The following GTF2F2 variants were observed in gnomAD, a reference collection of about 807,000 sequenced individuals.
GTF2F2 encodes general transcription factor IIF subunit 2.
Under a neutral mutation model 42.2 loss-of-function variants are expected in GTF2F2, and 23 were observed. The observed-to-expected ratio is 0.55, with a 90% CI of 0.39 to 0.77. GTF2F2 has a LOEUF of 0.77. Among genes scored for constraint, GTF2F2 ranks in the 30% least tolerant of loss-of-function variants. The probability of loss-of-function intolerance (pLI) is 0.00; values close to 1 mark genes in which losing one functional copy is unlikely to be tolerated. For missense variants in GTF2F2, 261 were observed against 287.2 expected (o/e 0.91, Z 0.66); for synonymous variants, 105 against 100.8 (o/e 1.04, Z -0.25).
intron 6 of GTF2F2, among the ~76,000 whole-genome samples, chr13:45,259,739 G>T (rs1459249373): frequency 7.7e-6 from 1 of 130,702 alleles, no homozygotes; most frequent in East Asian, 2.4e-4. Context: ...CTCACTGCAA[G>T]CTCCGCCTCC....
chr13:45,126,598 G>A (rs1182781005), intron 1 of GTF2F2, among the ~76,000 whole-genome samples: 2 of 152,200 alleles, frequency 1.3e-5, no homozygotes, highest in African/African-American at 4.8e-5. Context: ...TGGGTGGGCA[G>A]ATTGATTCAT....
At chr13:45,132,434 T>G (rs952123180) in intron 1 of GTF2F2, among the ~76,000 whole-genome samples, 3 of 85,310 alleles carry the variant, frequency 3.5e-5, no homozygotes, top group African/African-American at 1.1e-4. Flanking sequence ...GTCATTAGTG[T>G]TTTTTTTTTT....
chr13:45,239,875 C>G (rs1471523508), intron 5 of GTF2F2, among the ~76,000 whole-genome samples: 1 of 152,068 alleles, frequency 6.6e-6, no homozygotes, highest in Non-Finnish European at 1.5e-5. Context: ...GAACACAAAA[C>G]AAGGAATCTT....
chr13:45,269,949 A>G (rs946217468), intron 7 of GTF2F2, among the ~76,000 whole-genome samples: 2 of 152,138 alleles, frequency 1.3e-5, no homozygotes, highest in African/African-American at 4.8e-5. Flanking sequence ...CTCCTGCCTC[A>G]GCCTCCTGAG....
chr13:45,241,344 C>G (rs1875294470), intron 5 of GTF2F2, among the ~76,000 whole-genome samples: 1 of 152,022 alleles, frequency 6.6e-6, no homozygotes, highest in Non-Finnish European at 1.5e-5. Context: ...CACTCTAGCC[C>G]CAGCTTCTCT....
At chr13:45,221,379 C>T (rs1874106997) in intron 5 of GTF2F2, among the ~76,000 whole-genome samples, 1 of 152,122 alleles carries the variant, frequency 6.6e-6, no homozygotes, top group Non-Finnish European at 1.5e-5. Context: ...ATATAATCTG[C>T]AGGACCTAGT....
chr13:45,248,199 T>C (rs1309320917), intron 5 of GTF2F2, among the ~76,000 whole-genome samples: 2 of 152,130 alleles, frequency 1.3e-5, no homozygotes, highest in African/African-American at 4.8e-5. Context: ...AGTTCAAGCT[T>C]GACTAAATTT....
chr13:45,261,444 A>ACT (rs397967609), intron 6 of GTF2F2, among the ~76,000 whole-genome samples: 1 of 105,996 alleles, frequency 9.4e-6, no homozygotes, highest in Non-Finnish European at 2.4e-5. Flanking sequence ...AAAAAAAAAA[A>ACT]GAATAATTTG....
At chr13:45,233,567 G>A (rs1421025384) in intron 5 of GTF2F2, among the ~76,000 whole-genome samples, 1 of 152,306 alleles carries the variant, frequency 6.6e-6, no homozygotes, top group East Asian at 1.9e-4. Flanking sequence ...TAGCAACACT[G>A]TGAATGAACT....
Position 45,151,826 on chromosome 13 carries a change from C to A in GTF2F2, c.299C>A (p.Ser100Ter). The A allele has an allele frequency of 6.9e-7, 1 of 1,456,278 alleles. No individual in the cohort carries two copies. The highest frequency in any genetic ancestry group is 1.4e-5 in the South Asian group (1 of 73,754). 90.2% of individuals were successfully genotyped at this position (1,456,278 alleles called of 1,614,324 possible). The change falls in exon 4 of 8, where the codon TCA becomes TAA. Residue 100 changes from serine (S) to a stop codon, truncating the protein, a stop_gained. Coordinates refer to ENST00000340473, the MANE Select transcript of GTF2F2 (RefSeq NM_004128.3). LOFTEE classifies it high-confidence loss of function. The stretch of plus-strand genomic sequence containing the variant: ...ACATTAACAGTATTTACTGAGAGCT[C>A]ATCAGGTAAGTGGGAATGGAATTAT... ...GQTLTVFTES[S>*]SDKLSLEGIV...
intron 5 of GTF2F2, among the ~76,000 whole-genome samples, chr13:45,227,253 A>C (rs1444914589): frequency 6.6e-6 from 1 of 152,224 alleles, no homozygotes; most frequent in African/African-American, 2.4e-5. Context: ...TTAGCATATG[A>C]AATTTAGAAG....
intron 4 of GTF2F2, among the ~76,000 whole-genome samples, chr13:45,162,881 A>G (rs1054657496): frequency 6.6e-6 from 1 of 152,030 alleles, no homozygotes; most frequent in African/African-American, 2.4e-5. Context: ...GACATTTGCC[A>G]TATTTCTTTA....
intron 4 of GTF2F2, among the ~76,000 whole-genome samples, chr13:45,170,124 A>G (rs1201805791): frequency 1.3e-5 from 2 of 152,170 alleles, no homozygotes; most frequent in Non-Finnish European, 2.9e-5. Context: ...TCTGGGCTCA[A>G]GCGATCTTCC....
At chr13:45,189,896 G>A (rs986686021) in intron 4 of GTF2F2, among the ~76,000 whole-genome samples, 6 of 151,876 alleles carry the variant, frequency 4.0e-5, no homozygotes, top group African/African-American at 1.5e-4. Context: ...ATTCAGGATG[G>A]TATTGCAAAT....
At chr13:45,218,460 C>A (rs1222031921) in intron 5 of GTF2F2, among the ~76,000 whole-genome samples, 1 of 152,210 alleles carries the variant, frequency 6.6e-6, no homozygotes, top group African/African-American at 2.4e-5. Context: ...TAATTGCCAT[C>A]TCTCATGTGA....
chr13:45,240,113 T>A (rs1446416741), intron 5 of GTF2F2, among the ~76,000 whole-genome samples: 1 of 147,800 alleles, frequency 6.8e-6, no homozygotes, highest in Non-Finnish European at 1.5e-5. Context: ...TTTTTTTTTT[T>A]TTTTTTTTTT....
At chr13:45,179,351 G>T (rs1328940010) in intron 4 of GTF2F2, among the ~76,000 whole-genome samples, 1 of 152,196 alleles carries the variant, frequency 6.6e-6, no homozygotes, top group South Asian at 2.1e-4. Flanking sequence ...CAGTGACCAT[G>T]TAGCTTACCT....
At chr13:45,169,998 T>G (rs114453468) in intron 4 of GTF2F2, among the ~76,000 whole-genome samples, 2,286 of 152,278 alleles carry the variant, frequency 0.015, 47 homozygotes, top group African/African-American at 0.045. Flanking sequence ...TATTTTATTT[T>G]ATTTGATTTT....
chr13:45,247,038 C>CAAA (rs752175151), intron 5 of GTF2F2, among the ~76,000 whole-genome samples: 7 of 69,730 alleles, frequency 1.0e-4, no homozygotes, highest in African/African-American at 3.7e-4. Flanking sequence ...GACTCTGTCT[C>CAAA]AAAAAAAAAA....
Sources: gnomAD v4.1 joint callset for allele counts (sites outside exome capture counted in the v4.1 genomes callset) on GRCh38, gnomAD v4.1.1 for gene constraint, MANE v1.5 for transcripts, NCBI Gene and HGNC (gene_info 2026-07-23, HGNC 2026-07-21) for gene names.